Variants in CDH13 observed in about 807,000 individuals in gnomAD.
The protein encoded by CDH13 is cadherin 13.
In CDH13, 24 loss-of-function variants were observed where a neutral mutation model predicts 63.8. The observed-to-expected ratio is 0.38, with a 90% confidence interval of 0.27 to 0.53. The LOEUF (loss-of-function observed/expected upper bound fraction) is 0.53. Among genes scored for constraint, CDH13 ranks in the 20% least tolerant of loss-of-function variants. The pLI is 0.85. For missense variants in CDH13, 1,049 were observed against 903.1 expected, an observed-to-expected ratio of 1.16 and a Z score of -2.07; for synonymous variants, 503 against 355.3, an observed-to-expected ratio of 1.42 and a Z score of -4.67.
At chr16:82,749,036 C>T (rs1487831505) in intron 1 of CDH13, among the ~76,000 whole-genome samples, 4 of 152,100 alleles carry the variant, frequency 2.6e-5, no homozygotes, top group Non-Finnish European at 5.9e-5. Flanking sequence ...TTGGCCTTCT[C>T]ACTCCCCTGA....
At chr16:82,711,619 T>C (rs947766898) in intron 1 of CDH13, among the ~76,000 whole-genome samples, 7 of 152,194 alleles carry the variant, frequency 4.6e-5, no homozygotes, top group African/African-American at 1.7e-4. Flanking sequence ...TCCAGAGACA[T>C]TGAGGGGCTC....
intron 2 of CDH13, among the ~76,000 whole-genome samples, chr16:82,939,886 A>C (rs759438669): frequency 6.6e-6 from 1 of 152,200 alleles, no homozygotes; most frequent in Non-Finnish European, 1.5e-5. Context: ...TGATAAAGAC[A>C]TGCCCTCGAC....
intron 2 of CDH13, among the ~76,000 whole-genome samples, chr16:82,873,181 C>T (rs1209013063): frequency 6.6e-6 from 1 of 152,136 alleles, no homozygotes; most frequent in Non-Finnish European, 1.5e-5. Flanking sequence ...GGGAGTAACT[C>T]ATGTCAAAGC....
chr16:83,745,988 G>A (rs1214489247), intron 10 of CDH13, among the ~76,000 whole-genome samples: 2 of 152,166 alleles, frequency 1.3e-5, no homozygotes, highest in Non-Finnish European at 2.9e-5. Flanking sequence ...GCAGCTCCAA[G>A]GTCAGACCAC....
At chr16:82,804,961 T>C (rs564183761) in intron 1 of CDH13, among the ~76,000 whole-genome samples, 4 of 152,364 alleles carry the variant, frequency 2.6e-5, no homozygotes, top group African/African-American at 7.2e-5. Context: ...TTCATAGTTA[T>C]CTACTTAGCA....
intron 8 of CDH13, among the ~76,000 whole-genome samples, chr16:83,612,528 G>A (rs182081123): frequency 5.9e-4 from 89 of 151,936 alleles, no homozygotes; most frequent in Middle Eastern, 3.5e-3. Flanking sequence ...CAACATATTC[G>A]GGTTTCAATC....
intron 2 of CDH13, among the ~76,000 whole-genome samples, chr16:83,031,289 A>G (rs1356710255): frequency 7.0e-5 from 10 of 142,692 alleles, no homozygotes; most frequent in African/African-American, 2.1e-4. Flanking sequence ...CACCATATAC[A>G]TGCGCATGTA....
At chr16:82,734,120 C>G (rs1358433125) in intron 1 of CDH13, among the ~76,000 whole-genome samples, 1 of 152,194 alleles carries the variant, frequency 6.6e-6, no homozygotes, top group African/African-American at 2.4e-5. Context: ...AACCACAGGA[C>G]CATCTGGGGT....
chr16:82,941,079 G>C (rs1306318985), intron 2 of CDH13, among the ~76,000 whole-genome samples: 2 of 152,136 alleles, frequency 1.3e-5, no homozygotes, highest in African/African-American at 4.8e-5. Flanking sequence ...CAAATGAAAA[G>C]ACACCAGTAA....
intron 1 of CDH13, among the ~76,000 whole-genome samples, chr16:82,700,353 C>G (rs200906947): frequency 1.3e-5 from 2 of 152,138 alleles, no homozygotes; most frequent in African/African-American, 4.8e-5. Flanking sequence ...CAGTACCATG[C>G]GTAAAACGTG....
At chr16:82,943,177 C>G (rs1904324107) in intron 2 of CDH13, among the ~76,000 whole-genome samples, 1 of 152,144 alleles carries the variant, frequency 6.6e-6, no homozygotes. Context: ...ACTTACTGAG[C>G]TTCCATTCTT....
At chr16:83,753,248 G>A (rs1913236661) in intron 11 of CDH13, among the ~76,000 whole-genome samples, 2 of 152,158 alleles carry the variant, frequency 1.3e-5, no homozygotes, top group African/African-American at 4.8e-5. Context: ...CTATCTATTA[G>A]ATCAAAGTTA....
chr16:83,404,036 A>G (rs1477114321), intron 6 of CDH13, among the ~76,000 whole-genome samples: 1 of 152,246 alleles, frequency 6.6e-6, no homozygotes, highest in Non-Finnish European at 1.5e-5. Flanking sequence ...TCTCTTCTAC[A>G]GAATATTTTC....
At chr16:83,086,789 C>A (rs183934436) in intron 3 of CDH13, among the ~76,000 whole-genome samples, 1 of 152,014 alleles carries the variant, frequency 6.6e-6, no homozygotes, top group African/African-American at 2.4e-5. Context: ...AAAAACTGGG[C>A]ACAGTAAAAT....
chr16:83,673,144 G>T (rs541643888), intron 9 of CDH13, among the ~76,000 whole-genome samples: 2 of 152,278 alleles, frequency 1.3e-5, no homozygotes, highest in Non-Finnish European at 2.9e-5. Flanking sequence ...ACATAAGCAC[G>T]TATTAACAAT....
chr16:82,660,268 C>T (rs1911778283), intron 1 of CDH13, among the ~76,000 whole-genome samples: 1 of 151,962 alleles, frequency 6.6e-6, no homozygotes, highest in African/African-American at 2.4e-5. Flanking sequence ...ATGGGTCAGG[C>T]AGATGCAAGT....
chr16:83,167,226 G>A (rs1472665279), intron 4 of CDH13, among the ~76,000 whole-genome samples: 1 of 151,568 alleles, frequency 6.6e-6, no homozygotes, highest in Non-Finnish European at 1.5e-5. Context: ...GCCGGGCACA[G>A]TGGCTCACGC....
chr16:83,145,200 G>T (rs1322901986), intron 4 of CDH13, among the ~76,000 whole-genome samples: 2 of 152,188 alleles, frequency 1.3e-5, no homozygotes, highest in African/African-American at 4.8e-5. Context: ...TTGTCAGGGT[G>T]CCATGAGCTG....
chr16:83,253,066 T>A (rs1233434697), intron 5 of CDH13, among the ~76,000 whole-genome samples: 1 of 152,234 alleles, frequency 6.6e-6, no homozygotes, highest in East Asian at 1.9e-4. Context: ...GAGTAAGTAC[T>A]CAATAAATAG....
Sources: allele counts gnomAD v4.1 joint callset (sites outside exome capture counted in the v4.1 genomes callset), GRCh38; gene constraint gnomAD v4.1.1; transcripts MANE v1.5; gene names NCBI Gene and HGNC (gene_info 2026-07-23, HGNC 2026-07-21).